Variants in CENPE observed in about 807,000 individuals in gnomAD.
The protein encoded by CENPE is centromere protein E, also known as centromere-associated protein E.
In CENPE, 145 loss-of-function variants were observed where a neutral mutation model predicts 336.1. That is an observed-to-expected ratio of 0.43 (90% CI 0.38 to 0.50). CENPE has a LOEUF of 0.50. Ranked by LOEUF, CENPE falls within the 20% of genes least tolerant of loss-of-function variation. The pLI, the probability that CENPE is intolerant of heterozygous loss-of-function variation, is 0.00. For synonymous variants in CENPE, 1,013 were observed against 984.8 expected (o/e 1.03, Z -0.54); for missense variants, 2,719 against 3,023.3 (o/e 0.90, Z 2.36).
Position 103,143,317 on chromosome 4 carries a change from T to C in CENPE, c.5235A>G (p.Ser1745=). 1 of 1,604,620 alleles carries C rather than the reference T, an allele frequency of 6.2e-7. No homozygotes were observed. Among genetic ancestry groups the C allele is most frequent in the African/African-American group, 1.3e-5 (1 of 74,848 alleles). The part of the protein sequence containing the change: ...ETIDKLRGIV[S]EKTNEISNMQ... ...TATTTGATATTTCATTTGTTTTCTC[T>C]GAAACAATCCCTCTTAGTTTATCAA... is the stretch of plus-strand genomic sequence containing the variant. Residue 1745 remains serine (S), a synonymous_variant, in exon 34 of 49, where the codon TCA becomes TCG. Transcript: ENST00000265148.
At chr4:103,120,099 G>A (rs1311263217) in intron 44 of CENPE, 49 bp downstream of exon 44, 3 of 1,366,092 alleles carry the variant, frequency 2.2e-6, no homozygotes, top group Admixed American at 2.2e-5. Flanking sequence ...AATTCAATAG[G>A]TTAAACAAAC....
rs1271169606 is a variant in CENPE, at chr4:103,158,346, T to A, written c.2987A>T (p.His996Leu). 1.2e-6 allele frequency: 2 copies of A among 1,609,878 alleles called. No homozygotes were observed. Among genetic ancestry groups the A allele is most frequent in the African/African-American group, 2.7e-5 (2 of 74,888 alleles). Residue 996 changes from histidine to leucine, a missense_variant, in exon 24 of 49, where the codon CAT becomes CTT. Around this residue, in one of 5 missense-constraint regions of CENPE, gnomAD observed 2,437 missense variants for 2,513.3 expected, o/e 0.97. Transcript: ENST00000265148. ...AGTTTCTCCTGTATTTTCCTCCATA[T>A]GCAAATTCCTGGAAACTTCCTCAGA... The part of the protein sequence containing the change: ...KISEEVSRNL[H>L]MEENTGETKD...
intron 37 of CENPE, 77 bp from the exon 38 acceptor site, chr4:103,140,156 T>C (rs888262885): frequency 1.3e-4 from 188 of 1,440,762 alleles, no homozygotes; most frequent in Middle Eastern, 2.5e-4. Flanking sequence ...TTGTGTTCTA[T>C]ATGCACATAT....
Position 103,108,798 on chromosome 4 carries a change from C to T in CENPE, c.8011+5G>A. 1 of 1,610,676 alleles carries T rather than the reference C, an allele frequency of 6.2e-7. No homozygotes were observed. Among genetic ancestry groups the T allele is most frequent in the South Asian group, 1.1e-5 (1 of 90,688 alleles). On this transcript the variant is annotated splice_donor_5th_base_variant and intron_variant, in intron 48 of 48. Coordinates refer to ENST00000265148, the MANE Select transcript of CENPE (RefSeq NM_001813.3). ...GATTTCCAAGTAACCAGTATATTTA[C>T]TTACCTGGACAAAGGCCTAAACTTG...
intron 44 of CENPE, among the ~76,000 whole-genome samples, chr4:103,118,536 A>G (rs1018606213): frequency 6.6e-6 from 1 of 152,216 alleles, no homozygotes; most frequent in African/African-American, 2.4e-5. Context: ...AAGTCTCAAT[A>G]AAATCCAACT....
chr4:103,146,170 A>C, intron 29 of CENPE, 63 bp from the exon 30 acceptor site: 1 of 1,453,124 alleles, frequency 6.9e-7, no homozygotes, highest in Non-Finnish European at 9.3e-7. Flanking sequence ...GGGGAAAATA[A>C]ATCAGGATGC....
intron 1 of CENPE, among the ~76,000 whole-genome samples, chr4:103,197,544 T>C (rs1409503698): frequency 6.6e-6 from 1 of 152,246 alleles, no homozygotes; most frequent in African/African-American, 2.4e-5. Flanking sequence ...CTGATCTTGG[T>C]ATTTGCATTT....
rs1352364483 is a variant in CENPE at position 103,140,871 on chromosome 4, C to T, written c.5697G>A (p.Glu1899=). ...GTTGGTCTCTCTCCAGTTTGAGTGT[C>T]TCCTCTACTCTTCTTAGATTATCTC... ...KERDNLRRVE[E]TLKLERDQLK... is the part of the protein sequence containing the mutation. Residue 1899 remains glutamate (E), a synonymous_variant, in exon 36 of 49, where the codon GAG becomes GAA. Transcript: ENST00000265148. 1.6e-5 allele frequency: 25 copies of T among 1,609,346 alleles called. No homozygotes were observed. The highest frequency in any genetic ancestry group is 2.1e-5 in the Non-Finnish European group (25 of 1,178,656).
intron 8 of CENPE, among the ~76,000 whole-genome samples, chr4:103,192,714 T>C (rs1165050022): frequency 2.0e-5 from 3 of 152,200 alleles, no homozygotes; most frequent in Non-Finnish European, 4.4e-5. Context: ...ATATTCACTA[T>C]GGTAGGAAGA....
intron 24 of CENPE, among the ~76,000 whole-genome samples, chr4:103,157,405 T>C (rs1451641578): frequency 2.6e-5 from 4 of 151,978 alleles, no homozygotes; most frequent in Non-Finnish European, 5.9e-5. Context: ...GGAAATTTAC[T>C]CATAAAAAGG....
At chr4:103,191,476 T>C (rs1430175905) in intron 8 of CENPE, among the ~76,000 whole-genome samples, 1 of 152,142 alleles carries the variant, frequency 6.6e-6, no homozygotes, top group South Asian at 2.1e-4. Flanking sequence ...CCATAAAAAA[T>C]GATGAGTTCA....
At chr4:103,131,879 T>C (rs1482173324) in intron 42 of CENPE, among the ~76,000 whole-genome samples, 1 of 152,174 alleles carries the variant, frequency 6.6e-6, no homozygotes, top group African/African-American at 2.4e-5. Context: ...TTCCAACATA[T>C]GACATTCTGG....
In CENPE at chr4:103,153,265, C is replaced by T. The variant is rs776418417; in HGVS notation, c.3034-15G>A. On this transcript the variant is annotated splice_polypyrimidine_tract_variant and intron_variant, in intron 24 of 48. Transcript: ENST00000265148. The stretch of plus-strand genomic sequence containing the variant: ...ATGCCAACCATCTAAAACATAAACA[C>T]ATTACAGAAGAATTTCTTAAGTAGT... 8 of 1,547,582 alleles carry T rather than the reference C, an allele frequency of 5.2e-6. No homozygotes were observed. The highest frequency in any genetic ancestry group is 7.0e-6 in the Non-Finnish European group (8 of 1,140,372).
chr4:103,150,285 AT>A (rs757411648), intron 26 of CENPE, among the ~76,000 whole-genome samples: 8 of 152,168 alleles, frequency 5.3e-5, no homozygotes, highest in Non-Finnish European at 1.2e-4. Flanking sequence ...GAAAACACAT[AT>A]TAAGAAAAAA....
intron 25 of CENPE, among the ~76,000 whole-genome samples, chr4:103,151,844 C>A (rs532590256): frequency 1.3e-5 from 2 of 152,258 alleles, no homozygotes; most frequent in Admixed American, 6.5e-5. Flanking sequence ...GACATTCTCA[C>A]GTATCAAGAC....
Position 103,160,794 on chromosome 4 carries a change from T to G in CENPE, c.2132-15A>C. 1 of 1,569,076 alleles carries G rather than the reference T, an allele frequency of 6.4e-7. No individual in the cohort carries two copies. The highest frequency in any genetic ancestry group is 1.2e-5 in the South Asian group (1 of 84,072). On this transcript the variant is annotated splice_polypyrimidine_tract_variant and intron_variant, in intron 20 of 48. Coordinates refer to ENST00000265148, the MANE Select transcript of CENPE (RefSeq NM_001813.3). ...ACAGAGCAAATCTAGAAAGTTTTGGTAAATTGTATAAAGATCCAATGTTGC... is the reference window on the plus strand; with the variant it reads ...ACAGAGCAAATCTAGAAAGTTTTGGGAAATTGTATAAAGATCCAATGTTGC...
rs779629385 is a variant in CENPE at position 103,196,840 on chromosome 4, G to A, written c.67C>T (p.Leu23Phe). The A allele has an allele frequency of 6.5e-7, 1 of 1,547,318 alleles. No homozygotes were observed. Among genetic ancestry groups the A allele is most frequent in the Non-Finnish European group, 8.9e-7 (1 of 1,121,870 alleles). Residue 23 changes from leucine (L) to phenylalanine (F), a missense_variant, in exon 2 of 49, where the codon CTT becomes TTT. This residue lies in a region of CENPE where 48 missense variants were observed against 50.8 expected (regional missense o/e 0.94). Transcript: ENST00000265148. The part of the protein sequence containing the change: ...VRPLNSREES[L>F]GETAQVYWKT... ...CAGTAAACTTGGGCAGTTTCTCCAA[G>A]TGATTCTTCTCTAAAAGAATAAAAA...
rs1401028845 is a variant in CENPE at position 103,151,242 on chromosome 4, C to G, written c.3373G>C (p.Val1125Leu). ...LSRTCDRLAEVEEKLKEKSQQ... is the reference protein window; with the variant it reads ...LSRTCDRLAELEEKLKEKSQQ... ...ACCTTTTCCTTTAGTTTTTCTTCAACTTCTGCCAGTCTGTCACAGGTCCTA... is the reference window on the plus strand; with the variant it reads ...ACCTTTTCCTTTAGTTTTTCTTCAAGTTCTGCCAGTCTGTCACAGGTCCTA... The change falls in exon 26 of 49, where the codon GTT becomes CTT. Residue 1125 changes from valine (V) to leucine (L), a missense_variant. Around this residue, in one of 5 missense-constraint regions of CENPE, gnomAD observed 2,437 missense variants for 2,513.3 expected, o/e 0.97. Transcript: ENST00000265148. 4 of 1,596,608 alleles carry G rather than the reference C, an allele frequency of 2.5e-6. No homozygotes were observed. The highest frequency in any genetic ancestry group is 3.4e-6 in the Non-Finnish European group (4 of 1,176,060).
Position 103,177,058 on chromosome 4 carries a change from G to A in CENPE, c.1243-12C>T. On this transcript the variant is annotated splice_polypyrimidine_tract_variant and intron_variant, in intron 13 of 48. Coordinates refer to ENST00000265148, the MANE Select transcript of CENPE (RefSeq NM_001813.3). The stretch of plus-strand genomic sequence containing the variant: ...CGTTTTCTTTTAGCCTAAAGAAGAA[G>A]AAATCAAAATTATGTCATATAGATC... 2.5e-6 allele frequency: 4 copies of A among 1,593,224 alleles called. No individual in the cohort carries two copies. The highest frequency in any genetic ancestry group is 3.4e-6 in the Non-Finnish European group (4 of 1,172,308).
Sources: allele counts gnomAD v4.1 joint callset (sites outside exome capture counted in the v4.1 genomes callset), GRCh38; gene constraint gnomAD v4.1.1; regional missense constraint gnomAD v4.1.1; transcripts MANE v1.5; gene names NCBI Gene and HGNC (gene_info 2026-07-23, HGNC 2026-07-21).